The following UBL3 variants were observed in gnomAD, a reference collection of about 807,000 sequenced individuals.
UBL3 encodes the protein ubiquitin-like protein 3.
Under a neutral mutation model 18.4 loss-of-function variants are expected in UBL3, and 6 were observed. The ratio of observed to expected loss-of-function variants is 0.33; its 90% confidence interval spans 0.18 to 0.64. The LOEUF (loss-of-function observed/expected upper bound fraction) is 0.64. UBL3 is among the 30% of genes least tolerant of loss of function. UBL3 has a pLI of 0.76. For missense variants in UBL3, 109 were observed against 142.9 expected, an observed-to-expected ratio of 0.76 and a Z score of 1.21; for synonymous variants, 49 against 46.6, an observed-to-expected ratio of 1.05 and a Z score of -0.21.
chr13:29,773,790 C>G (rs1593649238), intron 2 of UBL3, among the ~76,000 whole-genome samples: 1 of 151,992 alleles, frequency 6.6e-6, no homozygotes, highest in Non-Finnish European at 1.5e-5. Flanking sequence ...TTTTTTTGAA[C>G]CTTTGACCCA....
chr13:29,804,724 C>G (rs1258907713), intron 1 of UBL3, among the ~76,000 whole-genome samples: 3 of 152,152 alleles, frequency 2.0e-5, no homozygotes, highest in African/African-American at 7.2e-5. Flanking sequence ...CTCCTGGAAA[C>G]AGAACCTCCA....
chr13:29,780,594 A>T (rs889781125), intron 1 of UBL3, among the ~76,000 whole-genome samples: 1 of 151,810 alleles, frequency 6.6e-6, no homozygotes, highest in African/African-American at 2.4e-5. Flanking sequence ...TTTCGTTATA[A>T]ATTCCTTTGC....
intron 1 of UBL3, among the ~76,000 whole-genome samples, chr13:29,821,098 A>G (rs1878423366): frequency 1.3e-5 from 2 of 152,182 alleles, no homozygotes; most frequent in African/African-American, 4.8e-5. Flanking sequence ...ACATGTGTGA[A>G]GCATAAAACA....
chr13:29,846,909 G>A (rs1879241108), intron 1 of UBL3, among the ~76,000 whole-genome samples: 1 of 152,186 alleles, frequency 6.6e-6, no homozygotes, highest in African/African-American at 2.4e-5. Flanking sequence ...TACATATCCT[G>A]ATCAATTTAG....
intron 1 of UBL3, among the ~76,000 whole-genome samples, chr13:29,818,422 G>C (rs1878341058): frequency 6.6e-6 from 1 of 152,054 alleles, no homozygotes; most frequent in Non-Finnish European, 1.5e-5. Flanking sequence ...AAACTGTTTA[G>C]GTCACTTGAT....
rs58898742 is a variant in UBL3 at position 29,788,838 on chromosome 13, A to AGT, written c.28-11577_28-11576dup. On this transcript the variant is annotated intron_variant, in intron 1 of 4. Transcript: ENST00000380680. The stretch of plus-strand genomic sequence containing the variant: ...GAATGGAGGTAGGGCTTAATGGGGA[A>AGT]GTGTGTGTGTGTGTGTGTGTGTGTG... 1.9e-3 allele frequency among the ~76,000 whole-genome samples: 256 copies of AGT among 138,224 alleles called. 1 individual carries two copies. Among genetic ancestry groups the AGT allele is most frequent in the African/African-American group, 6.6e-3 (243 of 36,808 alleles). The allele number at this position is 138,224 out of a possible 152,430, so 90.7% of individuals were successfully genotyped here. A position where few individuals can be genotyped will look rare whatever the true frequency, so the allele number is the denominator to read the frequency against.
chr13:29,791,908 G>C (rs555790640), intron 1 of UBL3, among the ~76,000 whole-genome samples: 1 of 152,220 alleles, frequency 6.6e-6, no homozygotes, highest in South Asian at 2.1e-4. Context: ...GGTCCTTGAA[G>C]GTAGAAAATC....
At chr13:29,788,260 T>TAA (rs1185003770) in intron 1 of UBL3, among the ~76,000 whole-genome samples, 3 of 152,194 alleles carry the variant, frequency 2.0e-5, no homozygotes, top group East Asian at 3.9e-4. Context: ...AGATGTCTGC[T>TAA]CCTTTGTTGT....
At chr13:29,784,324 GTT>G (rs1260941015) in intron 1 of UBL3, among the ~76,000 whole-genome samples, 1 of 152,116 alleles carries the variant, frequency 6.6e-6, no homozygotes, top group Non-Finnish European at 1.5e-5. Context: ...TAAAAAGGCT[GTT>G]TTCTACCAAA....
At chr13:29,788,866 T>C (rs1404182455) in intron 1 of UBL3, among the ~76,000 whole-genome samples, 3 of 32,302 alleles carry the variant, frequency 9.3e-5, no homozygotes, top group South Asian at 1.9e-3. Context: ...TGTGTGTGTG[T>C]GTGTGCGCGC....
intron 1 of UBL3, among the ~76,000 whole-genome samples, chr13:29,835,093 TATATATATATATAA>T (rs1566000903): frequency 3.5e-4 from 7 of 19,956 alleles, no homozygotes; most frequent in East Asian, 4.8e-3. Context: ...AATATAAATA[TATATATATATATAA>T]ATATATATAT....
intron 1 of UBL3, among the ~76,000 whole-genome samples, chr13:29,779,067 G>C (rs1235121777): frequency 6.6e-6 from 1 of 152,196 alleles, no homozygotes; most frequent in Non-Finnish European, 1.5e-5. Flanking sequence ...TTGCTGTAAA[G>C]AAGTGATCCA....
At chr13:29,781,532 A>T (rs1353598666) in intron 1 of UBL3, among the ~76,000 whole-genome samples, 1 of 152,078 alleles carries the variant, frequency 6.6e-6, no homozygotes, top group Non-Finnish European at 1.5e-5. Flanking sequence ...AATATAAATG[A>T]TTTTCTTAAG....
chr13:29,799,371 G>A (rs1030874427), intron 1 of UBL3, among the ~76,000 whole-genome samples: 2 of 152,180 alleles, frequency 1.3e-5, no homozygotes, highest in African/African-American at 2.4e-5. Flanking sequence ...CACATTCTTG[G>A]AGAAATCTAG....
At chr13:29,831,630 T>G (rs1459700402) in intron 1 of UBL3, among the ~76,000 whole-genome samples, 2 of 149,344 alleles carry the variant, frequency 1.3e-5, no homozygotes, top group Non-Finnish European at 3.0e-5. Flanking sequence ...ACAAGCTTGA[T>G]TATATGTCTT....
At chr13:29,795,753 C>CAG (rs1877592125) in intron 1 of UBL3, among the ~76,000 whole-genome samples, 1 of 75,766 alleles carries the variant, frequency 1.3e-5, no homozygotes, top group Admixed American at 1.7e-4. Flanking sequence ...GGCCTCATCT[C>CAG]AGAAAAAAAA....
Position 29,835,152 on chromosome 13 carries a change from AT to A in UBL3, c.27+14359del, listed in dbSNP as rs1566001142. Among the ~76,000 whole-genome samples the A allele has an allele frequency of 6.7e-4, 23 of 34,478 alleles. 1 individual carries two copies. The highest frequency in any genetic ancestry group is 1.1e-3 in the Admixed American group (3 of 2,660). The allele number at this position is 34,478 out of a possible 152,430, so 22.6% of individuals were successfully genotyped here. On this transcript the variant is annotated intron_variant, in intron 1 of 4. Coordinates refer to ENST00000380680, the MANE Select transcript of UBL3 (RefSeq NM_007106.4). Reference sequence around the variant, plus strand: ...TATATATATATATATATATATATATATATATATATATATATATATATATATA... The same window carrying A: ...TATATATATATATATATATATATATAATATATATATATATATATATATATA...
intron 1 of UBL3, among the ~76,000 whole-genome samples, chr13:29,804,194 T>C (rs919507898): frequency 6.6e-6 from 1 of 151,614 alleles, no homozygotes; most frequent in African/African-American, 2.4e-5. Flanking sequence ...TACAGGTAAA[T>C]TGAACAACCT....
At chr13:29,804,980 T>C (rs1230512236) in intron 1 of UBL3, among the ~76,000 whole-genome samples, 1 of 152,160 alleles carries the variant, frequency 6.6e-6, no homozygotes, top group Non-Finnish European at 1.5e-5. Context: ...CACATGCACA[T>C]ATATATACAA....
Sources: allele counts gnomAD v4.1 joint callset (sites outside exome capture counted in the v4.1 genomes callset), GRCh38; gene constraint gnomAD v4.1.1; transcripts MANE v1.5; gene names NCBI Gene and HGNC (gene_info 2026-07-23, HGNC 2026-07-21).